The following SUSD4 variants were observed in gnomAD, a reference collection of about 807,000 sequenced individuals.
SUSD4 encodes the protein sushi domain-containing protein 4.
SUSD4 carries 41 observed loss-of-function variants against 50.5 expected under a neutral mutation model. The observed-to-expected ratio is 0.81, with a 90% CI of 0.63 to 1.05. SUSD4 has a LOEUF of 1.05. Among genes scored for constraint, SUSD4 ranks in the 50% least tolerant of loss-of-function variants. SUSD4 has a pLI of 0.00. For missense variants in SUSD4, 580 were observed against 634.7 expected, an observed-to-expected ratio of 0.91 and a Z score of 0.93; for synonymous variants, 257 against 257.3, an observed-to-expected ratio of 1.00 and a Z score of 0.01.
intron 2 of SUSD4, among the ~76,000 whole-genome samples, chr1:223,303,164 C>CA (rs1665299863): frequency 6.6e-6 from 1 of 151,856 alleles, no homozygotes; most frequent in South Asian, 2.1e-4. Context: ...AAAACACCCC[C>CA]AAAATCATTG....
intron 2 of SUSD4, among the ~76,000 whole-genome samples, chr1:223,320,217 C>T (rs1338166553): frequency 6.6e-6 from 1 of 152,122 alleles, no homozygotes; most frequent in East Asian, 1.9e-4. Flanking sequence ...CAACTTTTAC[C>T]TCCTCTCTCT....
intron 5 of SUSD4, among the ~76,000 whole-genome samples, chr1:223,241,188 G>A (rs941767453): frequency 6.6e-6 from 1 of 152,180 alleles, no homozygotes; most frequent in Non-Finnish European, 1.5e-5. Flanking sequence ...TGTTAAGGAC[G>A]GACTGCTCCA....
intron 2 of SUSD4, among the ~76,000 whole-genome samples, chr1:223,339,113 C>T (rs1667615056): frequency 6.6e-6 from 1 of 152,086 alleles, no homozygotes; most frequent in African/African-American, 2.4e-5. Context: ...TCCTGGCAGT[C>T]ACAGGAGGAG....
chr1:223,364,868 C>T (rs777034850), upstream of SUSD4, among the ~76,000 whole-genome samples: 5 of 152,178 alleles, frequency 3.3e-5, no homozygotes, highest in Non-Finnish European at 7.4e-5. This position sits in a 1 kb window ranked among gnomAD's most constrained non-coding sequence, Gnocchi z 4.5. Context: ...TCCGCCGAAG[C>T]TCTGCGCGTC....
rs1183348205 is a variant in SUSD4 at position 223,264,784 on chromosome 1, A to G, written c.570T>C (p.Tyr190=). 3 of 1,614,192 alleles carry G rather than the reference A, an allele frequency of 1.9e-6. No homozygotes were observed. Among genetic ancestry groups the G allele is most frequent in the Admixed American group, 3.3e-5 (2 of 60,034 alleles). Residue 190 remains tyrosine, a synonymous_variant, in exon 5 of 9, where the codon TAT becomes TAC. Coordinates refer to ENST00000366878, the MANE Select transcript of SUSD4 (RefSeq NM_017982.4). ...AGGTCTGGAGCTCAGAGATGTTTAC[A>G]TAGCCATTAGAAGAGGCTAGAGGTC... is the stretch of plus-strand genomic sequence containing the variant. ...CLRPLASSNG[Y]VNISELQTSF...
intron 3 of SUSD4, among the ~76,000 whole-genome samples, chr1:223,291,948 T>C (rs1229023519): frequency 1.3e-5 from 2 of 152,256 alleles, no homozygotes; most frequent in African/African-American, 4.8e-5. Context: ...AATAAATGTC[T>C]ACCTCGTTAA....
chr1:223,234,027 A>G (rs1242307276), intron 5 of SUSD4, among the ~76,000 whole-genome samples: 3 of 152,124 alleles, frequency 2.0e-5, no homozygotes, highest in Non-Finnish European at 4.4e-5. Flanking sequence ...GGCTCTTTTC[A>G]GACTAGCTGG....
At chr1:223,304,129 CT>C (rs1489449452) in intron 2 of SUSD4, among the ~76,000 whole-genome samples, 1 of 152,178 alleles carries the variant, frequency 6.6e-6, no homozygotes, top group Non-Finnish European at 1.5e-5. Context: ...ACAGGCGCCC[CT>C]CATGCGTCCG....
chr1:223,306,699 CCCAAG>C (rs1396745014), intron 2 of SUSD4, among the ~76,000 whole-genome samples: 1 of 152,100 alleles, frequency 6.6e-6, no homozygotes, highest in African/African-American at 2.4e-5. Context: ...TGTCATGTTG[CCCAAG>C]CTGGTCTTGA....
At chr1:223,360,295 G>A (rs752724248) in intron 2 of SUSD4, 34 of 467,484 alleles carry the variant, frequency 7.3e-5, no homozygotes, top group South Asian at 5.2e-4. Flanking sequence ...AGCCCAGCAG[G>A]TCTCTGGTCA....
At chr1:223,360,165 G>C (rs1287023781) in intron 2 of SUSD4, 1 of 469,594 alleles carries the variant, frequency 2.1e-6, no homozygotes, top group African/African-American at 2.0e-5. Context: ...GAGCCTGATT[G>C]AGTTATTTAT....
intron 2 of SUSD4, among the ~76,000 whole-genome samples, chr1:223,335,235 C>G (rs1667394981): frequency 6.6e-6 from 1 of 152,022 alleles, no homozygotes; most frequent in South Asian, 2.1e-4. Flanking sequence ...TGGGTAGATA[C>G]CCAGTAGTGG....
At position 223,292,587 on chromosome 1, in the gene SUSD4, G is replaced by T. The variant is rs148470082; in HGVS notation, c.213C>A (p.Ser71Arg). 1 of 1,614,026 alleles carries T rather than the reference G, an allele frequency of 6.2e-7. No homozygotes were observed. The change falls in exon 3 of 9, where the codon AGC becomes AGA. Residue 71 changes from serine to arginine, a missense_variant. Transcript: ENST00000366878. Reference sequence around the variant, plus strand: ...CAGAGCCTTCAAAGAAAACCCCTCCGCTGGGGGTCCTGAAGCCATTCTCGG... The same window carrying T: ...CAGAGCCTTCAAAGAAAACCCCTCCTCTGGGGGTCCTGAAGCCATTCTCGG... ...GIPENGFRTP[S>R]GGVFFEGSVA...
chr1:223,286,014 G>GA (rs1211020970), intron 3 of SUSD4, among the ~76,000 whole-genome samples: 1 of 152,158 alleles, frequency 6.6e-6, no homozygotes, highest in Non-Finnish European at 1.5e-5. Context: ...AAAGTCCGGG[G>GA]AAAAAATCAG....
At chr1:223,290,851 GC>G (rs1309878512) in intron 3 of SUSD4, among the ~76,000 whole-genome samples, 1 of 152,100 alleles carries the variant, frequency 6.6e-6, no homozygotes, top group East Asian at 1.9e-4. Flanking sequence ...TATTTAAGAA[GC>G]CTATTTTGGT....
At chr1:223,307,204 T>G (rs1417987141) in intron 2 of SUSD4, among the ~76,000 whole-genome samples, 2 of 152,176 alleles carry the variant, frequency 1.3e-5, no homozygotes, top group Non-Finnish European at 2.9e-5. Flanking sequence ...GCACTTAGAC[T>G]GAAGCAGCCC....
At chr1:223,317,850 T>G (rs12120328) in intron 2 of SUSD4, among the ~76,000 whole-genome samples, 1 of 104,426 alleles carries the variant, frequency 9.6e-6, no homozygotes, top group Non-Finnish European at 2.1e-5. Flanking sequence ...TTTTTTTTTT[T>G]CTTTTTTTTT....
intron 4 of SUSD4, among the ~76,000 whole-genome samples, chr1:223,267,787 C>G (rs1389709867): frequency 1.3e-5 from 2 of 151,984 alleles, no homozygotes; most frequent in East Asian, 3.9e-4. Flanking sequence ...AGATTGCTCT[C>G]CTTCTCCCTC....
chr1:223,271,937 G>A (rs893888538), intron 3 of SUSD4, among the ~76,000 whole-genome samples: 2 of 152,176 alleles, frequency 1.3e-5, no homozygotes, highest in Non-Finnish European at 2.9e-5. Context: ...CTAGTCAATA[G>A]AAAGAATTTT....
Sources: gnomAD v4.1 joint callset for allele counts (sites outside exome capture counted in the v4.1 genomes callset) on GRCh38, gnomAD v4.1.1 for gene constraint, Gnocchi (gnomAD v3.1) non-coding constraint, MANE v1.5 for transcripts, NCBI Gene and HGNC (gene_info 2026-07-23, HGNC 2026-07-21) for gene names.